ITPK1: variants seen among roughly 807,000 people sequenced by gnomAD.
ITPK1 encodes inositol 1,3,4-trisphosphate 5/6-kinase.
A neutral mutation model predicts 45.3 loss-of-function variants in ITPK1; 21 were observed. The observed-to-expected ratio is 0.46, with a 90% CI of 0.33 to 0.67. The LOEUF (loss-of-function observed/expected upper bound fraction) is 0.67. ITPK1 is among the 30% of genes least tolerant of loss of function. The pLI is 0.02. For missense variants in ITPK1, 474 were observed against 573.5 expected (o/e 0.83, Z 1.77); for synonymous variants, 258 against 253.6 (o/e 1.02, Z -0.16).
At chr14:93,096,210 C>T (rs533624277) in intron 2 of ITPK1, among the ~76,000 whole-genome samples, 60 of 152,314 alleles carry the variant, frequency 3.9e-4, no homozygotes, top group Admixed American at 9.8e-4. Flanking sequence ...CCTGAGATGC[C>T]GCAGCCCCAG....
rs74352340 is a variant in ITPK1, at chr14:92,961,757, G to A, written c.504+598C>T. Among the ~76,000 whole-genome samples, 690 of 152,342 alleles carry A rather than the reference G, an allele frequency of 4.5e-3. 6 individuals are homozygous for A. Among genetic ancestry groups the A allele is most frequent in the Admixed American group, 6.9e-3 (106 of 15,310 alleles). On this transcript the variant is annotated intron_variant, in intron 7 of 10. Transcript: ENST00000267615. ...TGTGCCCCAGAATTCCTACGCTGAA[G>A]CCCATGCCCCACTGTGGTGGTATCT...
chr14:92,953,178 C>T (rs576447995), intron 8 of ITPK1, among the ~76,000 whole-genome samples: 123 of 152,366 alleles, frequency 8.1e-4, no homozygotes, highest in African/African-American at 2.8e-3. Context: ...GACTTCACAG[C>T]GCCGCAACAA....
chr14:93,046,349 C>G (rs973872366), intron 3 of ITPK1, among the ~76,000 whole-genome samples: 1 of 152,192 alleles, frequency 6.6e-6, no homozygotes, highest in Non-Finnish European at 1.5e-5. Context: ...CCCGGGGCCC[C>G]ACGGTGGGGA....
chr14:92,986,665 G>A (rs1886497966), intron 5 of ITPK1, among the ~76,000 whole-genome samples: 1 of 152,218 alleles, frequency 6.6e-6, no homozygotes, highest in Non-Finnish European at 1.5e-5. Flanking sequence ...GAGGGCGCTG[G>A]AGGGGTTGGT....
intron 10 of ITPK1, among the ~76,000 whole-genome samples, chr14:92,944,240 T>C (rs1887572979): frequency 6.6e-6 from 1 of 152,126 alleles, no homozygotes; most frequent in South Asian, 2.1e-4. Flanking sequence ...ACAGGCCTGC[T>C]GCTCTGCTTG....
At chr14:93,102,948 A>C (rs564257525) in intron 2 of ITPK1, among the ~76,000 whole-genome samples, 1 of 151,652 alleles carries the variant, frequency 6.6e-6, no homozygotes, top group Non-Finnish European at 1.5e-5. Context: ...AAAATACAAA[A>C]AATTAGCCGG....
chr14:93,044,541 C>T (rs181119577), intron 3 of ITPK1, among the ~76,000 whole-genome samples: 163 of 152,258 alleles, frequency 1.1e-3, no homozygotes, highest in African/African-American at 3.8e-3. Flanking sequence ...CTCTGGAACT[C>T]GAGGGCCACG....
At chr14:93,000,111 C>T (rs1006299134) in intron 4 of ITPK1, among the ~76,000 whole-genome samples, 9 of 152,196 alleles carry the variant, frequency 5.9e-5, no homozygotes, top group African/African-American at 1.9e-4. Flanking sequence ...TAGTACTTCA[C>T]GGCATGGTGT....
intron 5 of ITPK1, among the ~76,000 whole-genome samples, chr14:92,989,935 T>C (rs1886696258): frequency 6.6e-6 from 1 of 152,122 alleles, no homozygotes; most frequent in Admixed American, 6.5e-5. Flanking sequence ...AGGGGACTGC[T>C]GCTGAGGTCA....
chr14:93,098,180 G>T (rs191851116), intron 2 of ITPK1, among the ~76,000 whole-genome samples: 1 of 152,206 alleles, frequency 6.6e-6, no homozygotes, highest in African/African-American at 2.4e-5. Flanking sequence ...TTAATGGCCG[G>T]GTGCGGTGGT....
At chr14:93,003,315 C>A (rs1414867863) in intron 4 of ITPK1, among the ~76,000 whole-genome samples, 1 of 152,190 alleles carries the variant, frequency 6.6e-6, no homozygotes, top group Non-Finnish European at 1.5e-5. Context: ...CTTGGCAGAC[C>A]ACTGCAACCG....
chr14:93,087,511 T>C (rs1891695674), intron 2 of ITPK1, among the ~76,000 whole-genome samples: 1 of 152,198 alleles, frequency 6.6e-6, no homozygotes, highest in Non-Finnish European at 1.5e-5. Flanking sequence ...GGTGACACAG[T>C]GAGACCCCCA....
intron 2 of ITPK1, among the ~76,000 whole-genome samples, chr14:93,090,645 G>A (rs367899687): frequency 2.0e-5 from 3 of 152,218 alleles, no homozygotes; most frequent in Admixed American, 6.5e-5. Context: ...TTTGGCCAGC[G>A]TTTTCTGGAA....
At chr14:93,104,509 C>T (rs538565088) in intron 2 of ITPK1, among the ~76,000 whole-genome samples, 2 of 152,028 alleles carry the variant, frequency 1.3e-5, no homozygotes, top group African/African-American at 2.4e-5. Context: ...CATCGATCGA[C>T]GGCAGCTGGA....
intron 5 of ITPK1, among the ~76,000 whole-genome samples, chr14:92,990,151 C>T (rs1224817577): frequency 2.0e-5 from 3 of 152,214 alleles, no homozygotes; most frequent in Admixed American, 6.5e-5. Flanking sequence ...TCCTGACTCC[C>T]TTGCAGCTTA....
chr14:92,957,520 G>A (rs1884801705), intron 8 of ITPK1, among the ~76,000 whole-genome samples: 1 of 152,226 alleles, frequency 6.6e-6, no homozygotes, highest in Non-Finnish European at 1.5e-5. Flanking sequence ...CCTCAGCGCA[G>A]TGGGGTCCAC....
chr14:93,044,697 G>T (rs1241186021), intron 3 of ITPK1, among the ~76,000 whole-genome samples: 2 of 152,220 alleles, frequency 1.3e-5, no homozygotes. Flanking sequence ...TGGGACAGTG[G>T]CCCAGCGGAC....
chr14:92,950,702 A>C lies in ITPK1; in HGVS notation c.738+1244T>G, dbSNP rs12432251. Among the ~76,000 whole-genome samples the C allele has an allele frequency of 8.9e-3, 1,361 of 152,340 alleles. 14 individuals are homozygous for C. Among genetic ancestry groups the C allele is most frequent in the African/African-American group, 0.031 (1,278 of 41,574 alleles). Reference sequence around the variant, plus strand: ...AGGACACTCAGTCTGCAAATGCCAAATCCCCTCCATTGCATGGGCTGCCGA... The same window carrying C: ...AGGACACTCAGTCTGCAAATGCCAACTCCCCTCCATTGCATGGGCTGCCGA... On this transcript the variant is annotated intron_variant, in intron 9 of 10. Coordinates refer to ENST00000267615, the MANE Select transcript of ITPK1 (RefSeq NM_014216.6).
chr14:93,054,522 GCTCA>G lies in ITPK1; in HGVS notation c.120+22069_120+22072del, dbSNP rs571813012. Among the ~76,000 whole-genome samples the G allele has an allele frequency of 3.4e-4, 52 of 152,306 alleles. No homozygotes were observed. The East Asian group carries it at 8.9e-3, about 26-fold the overall frequency. ...ACAAAAAACCATTCAATCTGTAAAT[GCTCA>G]CTGTCTATTCTAACTAGACACTGGG... On this transcript the variant is annotated intron_variant, in intron 3 of 10. Transcript: ENST00000267615.
Sources: allele counts gnomAD v4.1 joint callset (sites outside exome capture counted in the v4.1 genomes callset), GRCh38; gene constraint gnomAD v4.1.1; transcripts MANE v1.5; gene names NCBI Gene and HGNC (gene_info 2026-07-23, HGNC 2026-07-21).